Variants in KRR1 observed in about 807,000 individuals in gnomAD.
The protein encoded by KRR1 is KRR1 small subunit processome component, also known as KRR1 small subunit processome component homolog.
KRR1 carries 23 observed loss-of-function variants against 50.0 expected under a neutral mutation model. That is an observed-to-expected ratio of 0.46 (90% CI 0.33 to 0.65). The LOEUF (loss-of-function observed/expected upper bound fraction) is 0.65, where lower values mean the gene tolerates loss of function less well. KRR1 is among the 30% of genes least tolerant of loss of function. The probability of loss-of-function intolerance (pLI) is 0.02; values close to 1 mark genes in which losing one functional copy is unlikely to be tolerated. For synonymous variants in KRR1, 133 were observed against 146.3 expected (o/e 0.91, Z 0.66); for missense variants, 419 against 442.4 (o/e 0.95, Z 0.47).
At position 75,494,762 on chromosome 12, in the gene KRR1, A is replaced by G. The variant is rs977222184; in HGVS notation, c.*5047T>C. On this transcript the variant is annotated 3_prime_UTR_variant, in exon 10 of 10. Transcript: ENST00000229214. The stretch of plus-strand genomic sequence containing the variant: ...TGAGATAAATGTGCCCCCTCTCCCC[A>G]TTACTACTATGAGGATATTTATGGG... The G allele has an allele frequency of 2.0e-5, 3 of 152,158 alleles. No homozygotes were observed. The highest frequency in any genetic ancestry group is 4.4e-5 in the Non-Finnish European group (3 of 68,012). 9.4% of individuals were successfully genotyped at this position (152,158 alleles called of 1,614,324 possible).
chr12:75,504,190 T>A lies in KRR1; in HGVS notation c.661-116A>T, dbSNP rs536612778. 3.2e-4 allele frequency: 212 copies of A among 667,350 alleles called. 1 individual carries two copies. The African/African-American group carries it at 3.6e-3, about 11-fold the overall frequency. 41.3% of individuals were successfully genotyped at this position (667,350 alleles called of 1,614,324 possible). On this transcript the variant is annotated intron_variant, in intron 6 of 9. Transcript: ENST00000229214. ...TAAAAGAAACAGTTCCTAGTTTCTT[T>A]GGTGAAATTAAACCAATTACATAAG...
Position 75,506,482 on chromosome 12 carries a change from A to G in KRR1, c.519+2T>C, listed in dbSNP as rs150678135. On this transcript the variant is annotated splice_donor_variant, in intron 4 of 9. Transcript: ENST00000229214. LOFTEE classifies it high-confidence loss of function. ...TCAAGTTTTCCACTAATTAAAAAAT[A>G]CCTTCAATGTAGATCCTTTGGGACC... 2 of 1,606,320 alleles carry G rather than the reference A, an allele frequency of 1.2e-6. No individual in the cohort carries two copies. The highest frequency in any genetic ancestry group is 3.5e-5 in the Admixed American group (2 of 56,896).
chr12:75,501,673 G>C, intron 9 of KRR1, 50 bp downstream of exon 9: 2 of 1,179,390 alleles, frequency 1.7e-6, no homozygotes, highest in South Asian at 1.3e-5. Flanking sequence ...ATTTATTATG[G>C]GTTTACTTTT....
intron 5 of KRR1, among the ~76,000 whole-genome samples, chr12:75,505,576 C>A (rs985200867): frequency 2.6e-5 from 4 of 151,794 alleles, no homozygotes; most frequent in African/African-American, 9.7e-5. Flanking sequence ...CTTTCCTGTT[C>A]CAGCTTTCTC....
intron 1 of KRR1, among the ~76,000 whole-genome samples, chr12:75,510,051 T>C (rs1011520024): frequency 6.6e-6 from 1 of 152,124 alleles, no homozygotes; most frequent in Non-Finnish European, 1.5e-5. Flanking sequence ...TGAAAAGATA[T>C]GCAACCTCAT....
rs1224297383 is a variant in KRR1, at chr12:75,499,281, G to T, written c.*528C>A. On this transcript the variant is annotated 3_prime_UTR_variant, in exon 10 of 10. Coordinates refer to ENST00000229214, the MANE Select transcript of KRR1 (RefSeq NM_007043.7). ...GTAGCACATTTTTAGGTGATTCTTA[G>T]TAACTCCAGTAGCCTTCATTAGTTA... 1.9e-5 allele frequency: 4 copies of T among 210,760 alleles called. No homozygotes were observed. The East Asian group carries it at 4.3e-4, about 23-fold the overall frequency. The allele number at this position is 210,760 out of a possible 1,614,324, so 13.1% of individuals were successfully genotyped here. A position where few individuals can be genotyped will look rare whatever the true frequency, so the allele number is the denominator to read the frequency against.
At chr12:75,503,843 TTC>T (rs2046410206) in intron 7 of KRR1, 59 bp downstream of exon 7, 1 of 1,438,272 alleles carries the variant, frequency 7.0e-7, no homozygotes, top group African/African-American at 1.4e-5. Flanking sequence ...TCAATAAAGT[TTC>T]TGACCAAATA....
chr12:75,494,253 A>G lies in KRR1; in HGVS notation c.*5556T>C, dbSNP rs1002288375. The G allele has an allele frequency of 2.0e-5, 3 of 152,190 alleles. No homozygotes were observed. Among genetic ancestry groups the G allele is most frequent in the Non-Finnish European group, 2.9e-5 (2 of 68,034 alleles). 9.4% of individuals were successfully genotyped at this position (152,190 alleles called of 1,614,324 possible). The stretch of plus-strand genomic sequence containing the variant: ...ATTGTAGAGTGCTGGGGAGAGGAGG[A>G]CCATAAACTTTGATTAGAAAATAGT... On this transcript the variant is annotated 3_prime_UTR_variant, in exon 10 of 10. Transcript: ENST00000229214.
chr12:75,502,230 T>C (rs1185292434), intron 7 of KRR1: 3 of 388,368 alleles, frequency 7.7e-6, no homozygotes, highest in Non-Finnish European at 1.4e-5. Context: ...TTCAGGGATA[T>C]GGCATGGAAG....
In KRR1 at chr12:75,504,032, G is replaced by A. The variant is rs901056089; in HGVS notation, c.703C>T (p.Arg235Ter). ...AAAAATCTCTCCCAACTTTGTGATC[G>A]TAATTCAGAATCTTTTGCCAACTCT... is the stretch of plus-strand genomic sequence containing the variant. ...KRELAKDSEL[R>*]SQSWERFLPQ... is the part of the protein sequence containing the mutation. The change falls in exon 7 of 10, where the codon CGA becomes TGA. Residue 235 changes from arginine to a stop codon, truncating the protein, a stop_gained. Transcript: ENST00000229214. LOFTEE classifies it high-confidence loss of function. 3.1e-6 allele frequency: 5 copies of A among 1,611,714 alleles called. No homozygotes were observed. The highest frequency in any genetic ancestry group is 1.7e-5 in the Admixed American group (1 of 59,836).
rs2046375096 is a variant in KRR1, at chr12:75,499,491, A to G, written c.*318T>C. The G allele has an allele frequency of 5.8e-6, 1 of 172,560 alleles. No homozygotes were observed. The highest frequency in any genetic ancestry group is 2.4e-5 in the African/African-American group (1 of 42,094). The allele number at this position is 172,560 out of a possible 1,614,324, so 10.7% of individuals were successfully genotyped here. ...AAACTTTCAAAAGGGATAAACCTAA[A>G]TATTTACTTGTTATCATTAGAGAGG... is the stretch of plus-strand genomic sequence containing the variant. On this transcript the variant is annotated 3_prime_UTR_variant, in exon 10 of 10. Transcript: ENST00000229214.
chr12:75,503,332 GC>G (rs1294137960), intron 7 of KRR1: 1 of 152,100 alleles, frequency 6.6e-6, no homozygotes, highest in East Asian at 1.9e-4. Context: ...TAATTTGGTA[GC>G]CACGTTGCAA....
At position 75,506,579 on chromosome 12, in the gene KRR1, A is replaced by C; in HGVS notation, c.424T>G (p.Cys142Gly). 2 of 1,598,440 alleles carry C rather than the reference A, an allele frequency of 1.3e-6. No homozygotes were observed. The highest frequency in any genetic ancestry group is 1.7e-6 in the Non-Finnish European group (2 of 1,176,218). The change falls in exon 4 of 10, where the codon TGT (cysteine) becomes GGT (glycine). Residue 142 changes from cysteine (C) to glycine (G), a missense_variant. Coordinates refer to ENST00000229214, the MANE Select transcript of KRR1 (RefSeq NM_007043.7). ...AVRILQDDVACDIIKIGSLVR... is the reference protein window; with the variant it reads ...AVRILQDDVAGDIIKIGSLVR... The stretch of plus-strand genomic sequence containing the variant: ...AAAGAACCTATTTTAATGATGTCAC[A>C]TGCAACATCATCCTGAAGAATTCGT...
Position 75,499,738 on chromosome 12 carries a change from G to GGCAACTAATGCCTGATATCTCA in KRR1, c.*49_*70dup. ...CCCTCAGAAAATTTCTCACAAATAA[G>GGCAACTAATGCCTGATATCTCA]GCAACTAATGCCTGATATCTCAAAA... On this transcript the variant is annotated 3_prime_UTR_variant, in exon 10 of 10. Transcript: ENST00000229214. 1 of 1,196,092 alleles carries GGCAACTAATGCCTGATATCTCA rather than the reference G, an allele frequency of 8.4e-7. No homozygotes were observed. Among genetic ancestry groups the GGCAACTAATGCCTGATATCTCA allele is most frequent in the Non-Finnish European group, 1.1e-6 (1 of 878,482 alleles). 74.1% of individuals were successfully genotyped at this position (1,196,092 alleles called of 1,614,324 possible).
rs1028690844 is a variant in KRR1, at chr12:75,491,660, C to G, written c.*8149G>C. ...GTATTTTCTAATTTGATGGAAATGG[C>G]ATTTCATTTGCTTTCTTTTGCATCT... On this transcript the variant is annotated 3_prime_UTR_variant, in exon 10 of 10. Coordinates refer to ENST00000229214, the MANE Select transcript of KRR1 (RefSeq NM_007043.7). The G allele has an allele frequency of 1.3e-5, 2 of 152,090 alleles. No homozygotes were observed. Among genetic ancestry groups the G allele is most frequent in the Admixed American group, 1.3e-4 (2 of 15,268 alleles). 9.4% of individuals were successfully genotyped at this position (152,090 alleles called of 1,614,324 possible).
Position 75,498,775 on chromosome 12 carries a change from G to T in KRR1, c.*1034C>A. ...TAAGAGCTATGTGAATTCTGTCAGT[G>T]CATTATGAGGAACAATGTCTAAGAG... On this transcript the variant is annotated 3_prime_UTR_variant, in exon 10 of 10. Transcript: ENST00000229214. The T allele has an allele frequency of 6.2e-7, 1 of 1,605,526 alleles. No homozygotes were observed. Among genetic ancestry groups the T allele is most frequent in the Non-Finnish European group, 8.5e-7 (1 of 1,172,504 alleles).
intron 1 of KRR1, 92 bp downstream of exon 1, chr12:75,511,421 A>C (rs2046448239): frequency 9.1e-7 from 1 of 1,094,668 alleles, no homozygotes; most frequent in Non-Finnish European, 1.4e-6. Context: ...TACAGGCTCC[A>C]GGTGGTTTTA....
In KRR1 at chr12:75,500,576, T is replaced by A. The variant is rs2046386281; in HGVS notation, c.1004-625A>T. 3 of 152,104 alleles carry A rather than the reference T, an allele frequency of 2.0e-5. No individual in the cohort carries two copies. In the South Asian group the frequency reaches 6.2e-4, roughly 31 times the overall value. 9.4% of individuals were successfully genotyped at this position (152,104 alleles called of 1,614,324 possible). A position where few individuals can be genotyped will look rare whatever the true frequency, so the allele number is the denominator to read the frequency against. ...ATAGTATTTTAACAAGATTTTGGTA[T>A]ATTTAACAACATTTTGGTAATAAAG... On this transcript the variant is annotated intron_variant, in intron 9 of 9. Coordinates refer to ENST00000229214, the MANE Select transcript of KRR1 (RefSeq NM_007043.7).
In KRR1 at chr12:75,491,546, TTTTTG is replaced by T. The variant is rs537299918; in HGVS notation, c.*8258_*8262del. 1.4e-4 allele frequency: 22 copies of T among 152,340 alleles called. 1 individual carries two copies. In the South Asian group the frequency reaches 1.4e-3, roughly 10 times the overall value. 9.4% of individuals were successfully genotyped at this position (152,340 alleles called of 1,614,324 possible). Reference sequence around the variant, plus strand: ...TACTAGCACGTAAAGACTGTGACCATTTTTGTTTTAAGTACATATTGCCAAATTAC... The same window carrying T: ...TACTAGCACGTAAAGACTGTGACCATTTTTAAGTACATATTGCCAAATTAC... On this transcript the variant is annotated 3_prime_UTR_variant, in exon 10 of 10. Transcript: ENST00000229214.
Sources: allele counts gnomAD v4.1 joint callset (sites outside exome capture counted in the v4.1 genomes callset), GRCh38; gene constraint gnomAD v4.1.1; transcripts MANE v1.5; gene names NCBI Gene and HGNC (gene_info 2026-07-23, HGNC 2026-07-21).